SIMC1: variants seen among roughly 807,000 people sequenced by gnomAD.
The protein encoded by SIMC1 is SUMO-interacting motif-containing protein 1.
In SIMC1, 55 loss-of-function variants were observed where a neutral mutation model predicts 82.3. That is an observed-to-expected ratio of 0.67 (90% confidence interval 0.54 to 0.84). SIMC1 has a LOEUF of 0.84. Among genes scored for constraint, SIMC1 ranks in the 40% least tolerant of loss-of-function variants. The pLI is 0.00. For missense variants in SIMC1, 915 were observed against 1,107.2 expected (o/e 0.83, Z 2.46); for synonymous variants, 353 against 426.3 (o/e 0.83, Z 2.12).
intron 1 of SIMC1, among the ~76,000 whole-genome samples, chr5:176,252,214 ACCG>A (rs1561671509): frequency 5.6e-5 from 4 of 71,780 alleles, no homozygotes. Flanking sequence ...CGGGGGGCTG[ACCG>A]CCCCCCCCAC....
chr5:176,277,574 A>G (rs199769201), intron 1 of SIMC1, among the ~76,000 whole-genome samples: 4 of 151,832 alleles, frequency 2.6e-5, no homozygotes, highest in Admixed American at 6.6e-5. Context: ...GGGTTTTTAT[A>G]GTTTTAGGTC....
intron 1 of SIMC1, among the ~76,000 whole-genome samples, chr5:176,274,058 T>C (rs1321070815): frequency 2.7e-5 from 4 of 148,996 alleles, no homozygotes; most frequent in African/African-American, 7.4e-5. Context: ...TTTCTAGTTC[T>C]AGATCCCTGA....
chr5:176,245,028 C>G (rs1761391518), intron 1 of SIMC1, among the ~76,000 whole-genome samples: 1 of 152,112 alleles, frequency 6.6e-6, no homozygotes, highest in Non-Finnish European at 1.5e-5. Flanking sequence ...GCCAACATTT[C>G]TTACTCATTT....
chr5:176,324,690 T>C lies in SIMC1; in HGVS notation c.2104T>C (p.Cys702Arg). Residue 702 changes from cysteine (C) to arginine (R), a missense_variant, in exon 7 of 10, where the codon TGC becomes CGC. Cys to Arg is a radical substitution (Grantham distance 180). Transcript: ENST00000429602. ...IAVEVDRTPT[C>R]SSNKIAEMMF... Reference sequence around the variant, plus strand: ...CGTAGAGGTGGACAGGACCCCCACCTGCAGCTCCAATAAAATTGCCGAGAT... The same window carrying C: ...CGTAGAGGTGGACAGGACCCCCACCCGCAGCTCCAATAAAATTGCCGAGAT... 1 of 1,607,204 alleles carries C rather than the reference T, an allele frequency of 6.2e-7. No individual in the cohort carries two copies. The highest frequency in any genetic ancestry group is 8.5e-7 in the Non-Finnish European group (1 of 1,176,674).
chr5:176,306,031 TTG>T (rs1491480424), intron 4 of SIMC1, among the ~76,000 whole-genome samples: 1 of 25,560 alleles, frequency 3.9e-5, no homozygotes, highest in African/African-American at 1.5e-4. Flanking sequence ...GGGAGGGAGG[TTG>T]GGGGGGGTCA....
chr5:176,343,704 A>G (rs1453314074), intron 9 of SIMC1, among the ~76,000 whole-genome samples: 2 of 152,226 alleles, frequency 1.3e-5, no homozygotes, highest in Non-Finnish European at 2.9e-5. Flanking sequence ...CATGTTCAGC[A>G]TGTATCTCCT....
chr5:176,329,186 T>C (rs537841067), intron 7 of SIMC1, among the ~76,000 whole-genome samples: 1 of 152,284 alleles, frequency 6.6e-6, no homozygotes, highest in Non-Finnish European at 1.5e-5. Context: ...TGTATAACTG[T>C]TCTGGCCGGG....
intron 1 of SIMC1, among the ~76,000 whole-genome samples, chr5:176,280,440 A>C (rs953874158): frequency 6.6e-6 from 1 of 151,586 alleles, no homozygotes; most frequent in Non-Finnish European, 1.5e-5. Flanking sequence ...TTTACATTTA[A>C]AGTTAATATT....
At chr5:176,312,267 G>A (rs1033965853) in intron 4 of SIMC1, among the ~76,000 whole-genome samples, 6 of 152,220 alleles carry the variant, frequency 3.9e-5, no homozygotes, top group Admixed American at 2.0e-4. Context: ...CAGGCGCAGC[G>A]GCTCACGCCT....
At chr5:176,242,193 T>A (rs1217915405) in intron 1 of SIMC1, among the ~76,000 whole-genome samples, 5 of 152,192 alleles carry the variant, frequency 3.3e-5, no homozygotes, top group African/African-American at 1.2e-4. Context: ...CAGATGTCTG[T>A]GGTAGTAGGA....
intron 7 of SIMC1, among the ~76,000 whole-genome samples, chr5:176,326,251 A>G (rs1765387906): frequency 6.6e-6 from 1 of 152,146 alleles, no homozygotes; most frequent in Non-Finnish European, 1.5e-5. Context: ...GGTTTCTTCT[A>G]TTACAAGAAA....
chr5:176,279,964 G>A (rs1762910969), intron 1 of SIMC1, among the ~76,000 whole-genome samples: 1 of 152,102 alleles, frequency 6.6e-6, no homozygotes, highest in African/African-American at 2.4e-5. Flanking sequence ...ATTTGGGGTG[G>A]AGAGTTCTGT....
At chr5:176,303,955 A>C (rs552668437) in intron 4 of SIMC1, among the ~76,000 whole-genome samples, 1 of 152,346 alleles carries the variant, frequency 6.6e-6, no homozygotes, top group South Asian at 2.1e-4. Flanking sequence ...AATTCATTGA[A>C]GAAAGCATGG....
intron 1 of SIMC1, among the ~76,000 whole-genome samples, chr5:176,264,968 A>C (rs1361976040): frequency 1.3e-5 from 2 of 152,184 alleles, no homozygotes; most frequent in African/African-American, 4.8e-5. Flanking sequence ...CAGGAGTTCA[A>C]GACCAGCCTG....
chr5:176,284,914 C>A (rs931000021), intron 1 of SIMC1, among the ~76,000 whole-genome samples: 1 of 152,126 alleles, frequency 6.6e-6, no homozygotes, highest in Admixed American at 6.5e-5. Flanking sequence ...GAAGTTGAAT[C>A]CCTGAATAGA....
intron 7 of SIMC1, 25 bp from the exon 8 acceptor site, chr5:176,336,695 C>A: frequency 1.2e-6 from 2 of 1,610,384 alleles, no homozygotes; most frequent in Non-Finnish European, 1.7e-6. Context: ...TGATGATTAA[C>A]TCCCTCTTCC....
chr5:176,295,858 G>A (rs1291132280), intron 3 of SIMC1, among the ~76,000 whole-genome samples: 1 of 152,188 alleles, frequency 6.6e-6, no homozygotes, highest in East Asian at 1.9e-4. Flanking sequence ...ATTGAGTCTT[G>A]CAGGATTTAA....
chr5:176,262,295 A>G (rs1241029028), intron 1 of SIMC1, among the ~76,000 whole-genome samples: 1 of 151,446 alleles, frequency 6.6e-6, no homozygotes, highest in Admixed American at 6.6e-5. Flanking sequence ...AAAAAAAAAA[A>G]AAAAGCCTTC....
At chr5:176,278,844 C>T (rs1162508829) in intron 1 of SIMC1, among the ~76,000 whole-genome samples, 109 of 149,166 alleles carry the variant, frequency 7.3e-4, no homozygotes, top group Admixed American at 2.4e-3. Flanking sequence ...CTGCTGGATT[C>T]GGTTTGCCAG....
Sources: allele counts gnomAD v4.1 joint callset (sites outside exome capture counted in the v4.1 genomes callset), GRCh38; gene constraint gnomAD v4.1.1; transcripts MANE v1.5; gene names NCBI Gene and HGNC (gene_info 2026-07-23, HGNC 2026-07-21).